The following GTF2I variants were observed in gnomAD, a reference collection of about 807,000 sequenced individuals.
GTF2I encodes general transcription factor IIi.
In GTF2I, 12 loss-of-function variants were observed where a neutral mutation model predicts 67.6. The ratio of observed to expected loss-of-function variants is 0.18; its 90% CI spans 0.11 to 0.29. The LOEUF (loss-of-function observed/expected upper bound fraction) is 0.29, where lower values mean the gene tolerates loss of function less well. GTF2I is among the 10% of genes least tolerant of loss of function. GTF2I has a pLI of 1.00. For synonymous variants in GTF2I, 149 were observed against 197.0 expected (o/e 0.76, Z 2.04); for missense variants, 271 against 580.1 (o/e 0.47, Z 5.47).
At chr7:74,731,637 C>G (rs1554406706) in intron 14 of GTF2I, among the ~76,000 whole-genome samples, 1 of 151,326 alleles carries the variant, frequency 6.6e-6, no homozygotes, top group African/African-American at 2.4e-5. Context: ...CTCTGCCTCC[C>G]AGGTTCAAGC....
At position 74,689,109 on chromosome 7, in the gene GTF2I, A is replaced by T. The variant is rs370703270; in HGVS notation, c.-5-15A>T. ...GATTTCTACCACTCACTTTCTTCTT[A>T]CTTCTCCTGCACAGGGATCATGGCC... On this transcript the variant is annotated splice_polypyrimidine_tract_variant and intron_variant, in intron 1 of 34. Transcript: ENST00000573035. 51 of 1,513,778 alleles carry T rather than the reference A, an allele frequency of 3.4e-5. No homozygotes were observed. In the African/African-American group the frequency reaches 6.7e-4, roughly 20 times the overall value. 93.8% of individuals were successfully genotyped at this position (1,513,778 alleles called of 1,614,324 possible). A position where few individuals can be genotyped will look rare whatever the true frequency, so the allele number is the denominator to read the frequency against.
intron 4 of GTF2I, 137 bp from the exon 5 acceptor site, chr7:74,700,110 C>G: frequency 1.2e-6 from 1 of 856,248 alleles, no homozygotes; most frequent in South Asian, 1.8e-5. Flanking sequence ...AGATAGAATG[C>G]TGTAGTATTA....
At chr7:74,695,328 G>A (rs1488295131) in intron 3 of GTF2I, among the ~76,000 whole-genome samples, 1 of 152,178 alleles carries the variant, frequency 6.6e-6, no homozygotes, top group Admixed American at 6.5e-5. Context: ...AAGTTCTACC[G>A]TGGGTGAAAT....
chr7:74,695,763 T>C (rs959598536), intron 3 of GTF2I, among the ~76,000 whole-genome samples: 9 of 152,132 alleles, frequency 5.9e-5, no homozygotes, highest in African/African-American at 2.2e-4. Context: ...GCATTGATTA[T>C]GTTTCTGTGT....
intron 14 of GTF2I, among the ~76,000 whole-genome samples, chr7:74,731,618 C>T (rs1475415353): frequency 6.7e-6 from 1 of 149,870 alleles, no homozygotes; most frequent in East Asian, 2.0e-4. Context: ...GATCTTGGCT[C>T]ACTGTAACCT....
chr7:74,717,510 A>G (rs1451640067), intron 11 of GTF2I, among the ~76,000 whole-genome samples: 3 of 152,094 alleles, frequency 2.0e-5, no homozygotes, highest in Admixed American at 6.6e-5. Flanking sequence ...TAGAATCCTG[A>G]GTTCAACTTA....
intron 8 of GTF2I, among the ~76,000 whole-genome samples, chr7:74,707,856 C>T (rs1220996910): frequency 2.0e-5 from 3 of 152,082 alleles, no homozygotes; most frequent in African/African-American, 7.2e-5. Flanking sequence ...TTTATGTACA[C>T]ATCAGCATCA....
At chr7:74,719,455 C>T (rs1217862810) in intron 12 of GTF2I, among the ~76,000 whole-genome samples, 1 of 152,208 alleles carries the variant, frequency 6.6e-6, no homozygotes, top group African/African-American at 2.4e-5. Context: ...ATATATTCTA[C>T]AATACTCTCT....
At chr7:74,659,975 C>T (rs145562863) in intron 1 of GTF2I, among the ~76,000 whole-genome samples, 9 of 152,292 alleles carry the variant, frequency 5.9e-5, no homozygotes, top group African/African-American at 2.2e-4. Flanking sequence ...GTAGAGTGCC[C>T]TGCGGAGGCG....
At chr7:74,711,250 G>T (rs1375734913) in intron 9 of GTF2I, 141 bp downstream of exon 9, 2 of 462,706 alleles carry the variant, frequency 4.3e-6, no homozygotes, top group African/African-American at 4.1e-5. Context: ...TTCAGTCCCG[G>T]GGATAAAACA....
chr7:74,687,199 A>G (rs1251925115), intron 1 of GTF2I, among the ~76,000 whole-genome samples: 1 of 151,170 alleles, frequency 6.6e-6, no homozygotes, highest in African/African-American at 2.4e-5. Flanking sequence ...CCAAGTGTCA[A>G]TTATTTTTTA....
At chr7:74,710,272 C>T (rs73368305) in intron 8 of GTF2I, among the ~76,000 whole-genome samples, 380 of 152,246 alleles carry the variant, frequency 2.5e-3, no homozygotes, top group African/African-American at 8.8e-3. Context: ...GTTGGTATGA[C>T]TGTGGTTGAA....
intron 9 of GTF2I, among the ~76,000 whole-genome samples, chr7:74,712,336 G>T (rs1460450128): frequency 6.6e-6 from 1 of 152,082 alleles, no homozygotes; most frequent in Non-Finnish European, 1.5e-5. Context: ...CTCCCTCCAA[G>T]AAACAACGTG....
intron 3 of GTF2I, among the ~76,000 whole-genome samples, chr7:74,698,022 T>A (rs587705239): frequency 1.2e-3 from 188 of 151,828 alleles, no homozygotes; most frequent in African/African-American, 4.4e-3. Flanking sequence ...GTGGCGCAAT[T>A]TCCGCTCGCT....
intron 1 of GTF2I, among the ~76,000 whole-genome samples, chr7:74,684,502 C>T (rs1396619229): frequency 6.6e-6 from 1 of 152,166 alleles, no homozygotes; most frequent in Non-Finnish European, 1.5e-5. Flanking sequence ...CTCCTGATGG[C>T]AGTTTCTTTC....
At chr7:74,700,700 T>C in intron 6 of GTF2I, 66 bp downstream of exon 6, 1 of 1,383,124 alleles carries the variant, frequency 7.2e-7, no homozygotes, top group Non-Finnish European at 1.0e-6. Context: ...TCATACACTT[T>C]AATGGTTTCT....
At chr7:74,684,817 T>C (rs1787558161) in intron 1 of GTF2I, 1 of 152,196 alleles carries the variant, frequency 6.6e-6, no homozygotes, top group African/African-American at 2.4e-5. Flanking sequence ...CTGTCCCCCA[T>C]TTCTTACACA....
At chr7:74,681,269 TA>T (rs1288274060) in intron 1 of GTF2I, among the ~76,000 whole-genome samples, 2 of 151,682 alleles carry the variant, frequency 1.3e-5, no homozygotes, top group Non-Finnish European at 1.5e-5. Context: ...ACCCCATCTC[TA>T]AAAAAAATAC....
intron 9 of GTF2I, among the ~76,000 whole-genome samples, chr7:74,713,402 A>G (rs1172152433): frequency 6.6e-6 from 1 of 151,818 alleles, no homozygotes; most frequent in African/African-American, 2.4e-5. Context: ...ATATACGTCT[A>G]GCTGATGAAT....
Sources: allele counts gnomAD v4.1 joint callset (sites outside exome capture counted in the v4.1 genomes callset), GRCh38; gene constraint gnomAD v4.1.1; transcripts MANE v1.5; gene names NCBI Gene and HGNC (gene_info 2026-07-23, HGNC 2026-07-21).